Variants in CHN2 observed in about 807,000 individuals in gnomAD.
The protein encoded by CHN2 is chimerin 2.
CHN2 carries 35 observed loss-of-function variants against 56.3 expected under a neutral mutation model. The ratio of observed to expected loss-of-function variants is 0.62; its 90% CI spans 0.47 to 0.82. CHN2 has a LOEUF of 0.82. Among genes scored for constraint, CHN2 ranks in the 40% least tolerant of loss-of-function variants. The pLI, the probability that CHN2 is intolerant of heterozygous loss-of-function variation, is 0.00. For synonymous variants in CHN2, 210 were observed against 212.8 expected (o/e 0.99, Z 0.12); for missense variants, 491 against 580.5 (o/e 0.85, Z 1.58).
intron 6 of CHN2, among the ~76,000 whole-genome samples, chr7:29,414,073 T>C (rs79711975): frequency 2.7e-3 from 416 of 152,328 alleles, no homozygotes; most frequent in Non-Finnish European, 5.2e-3. Flanking sequence ...GGCAATACTA[T>C]AAAGCTCTGT....
intron 1 of CHN2, among the ~76,000 whole-genome samples, chr7:29,325,088 G>A (rs1011311045): frequency 2.6e-5 from 4 of 152,124 alleles, no homozygotes; most frequent in Admixed American, 6.5e-5. Context: ...TCCCTTTACA[G>A]TCTATCCATT....
Position 29,194,903 on chromosome 7 carries a change from C to T in CHN2, c.-39C>T. On this transcript the variant is annotated 5_prime_UTR_variant, in exon 1 of 13. Transcript: ENST00000222792. ...GAGGGCAGCGGCGGCGGCGTCCGCA[C>T]CGGGGCTGAGCGAGCAGCGACGCGA... The T allele has an allele frequency of 4.0e-6, 6 of 1,505,432 alleles. No individual in the cohort carries two copies. Among genetic ancestry groups the T allele is most frequent in the Non-Finnish European group, 5.3e-6 (6 of 1,131,164 alleles). The allele number at this position is 1,505,432 out of a possible 1,614,324, so 93.3% of individuals were successfully genotyped here. A position where few individuals can be genotyped will look rare whatever the true frequency, so the allele number is the denominator to read the frequency against.
intron 6 of CHN2, among the ~76,000 whole-genome samples, chr7:29,468,241 A>G (rs1785732422): frequency 6.8e-6 from 1 of 146,964 alleles, no homozygotes; most frequent in African/African-American, 2.5e-5. Flanking sequence ...TATTGTTCAC[A>G]TGATGTGACT....
intron 6 of CHN2, among the ~76,000 whole-genome samples, chr7:29,467,597 T>A (rs1785642925): frequency 6.6e-6 from 1 of 152,142 alleles, no homozygotes; most frequent in African/African-American, 2.4e-5. Flanking sequence ...ACCAAAGAGA[T>A]TAGAAAATGA....
At chr7:29,492,380 T>C (rs1788760926) in intron 7 of CHN2, among the ~76,000 whole-genome samples, 2 of 152,162 alleles carry the variant, frequency 1.3e-5, no homozygotes, top group Admixed American at 1.3e-4. Flanking sequence ...TTGAGTTTCA[T>C]TTAGCTTTTT....
At chr7:29,359,547 T>A (rs1470864795) in intron 2 of CHN2, among the ~76,000 whole-genome samples, 1 of 152,030 alleles carries the variant, frequency 6.6e-6, no homozygotes, top group Non-Finnish European at 1.5e-5. Flanking sequence ...CCTTTCCTTT[T>A]CTTAGAAAAG....
intron 1 of CHN2, among the ~76,000 whole-genome samples, chr7:29,347,623 C>T (rs1797558201): frequency 6.6e-6 from 1 of 152,178 alleles, no homozygotes; most frequent in Non-Finnish European, 1.5e-5. Flanking sequence ...GATCCAATCA[C>T]CTCCTACCGG....
chr7:29,432,492 A>G (rs1383452020), intron 6 of CHN2, among the ~76,000 whole-genome samples: 1 of 152,184 alleles, frequency 6.6e-6, no homozygotes, highest in Non-Finnish European at 1.5e-5. Context: ...CCAGAAAGCA[A>G]TGGAGCTTTT....
intron 6 of CHN2, among the ~76,000 whole-genome samples, chr7:29,456,927 T>TC (rs765177631): frequency 3.3e-5 from 5 of 151,884 alleles, no homozygotes; most frequent in Non-Finnish European, 5.9e-5. Flanking sequence ...CCCTTCATCT[T>TC]CCCCATCTGC....
intron 6 of CHN2, among the ~76,000 whole-genome samples, chr7:29,428,459 C>G (rs1370737366): frequency 6.6e-6 from 1 of 152,172 alleles, no homozygotes; most frequent in Admixed American, 6.5e-5. Context: ...ATCACTGGCT[C>G]TCAAAGTAGA....
At chr7:29,368,647 C>T (rs1210470508) in intron 3 of CHN2, among the ~76,000 whole-genome samples, 1 of 151,994 alleles carries the variant, frequency 6.6e-6, no homozygotes, top group African/African-American at 2.4e-5. Context: ...AATATAGAGC[C>T]ACGGATAGCT....
intron 1 of CHN2, among the ~76,000 whole-genome samples, chr7:29,310,570 T>C (rs935909020): frequency 6.6e-6 from 1 of 152,244 alleles, no homozygotes; most frequent in East Asian, 1.9e-4. Context: ...TATAAAATTC[T>C]AAAATGGTAT....
intron 7 of CHN2, 95 bp downstream of exon 7, chr7:29,480,451 G>C: frequency 3.1e-6 from 4 of 1,283,334 alleles, no homozygotes; most frequent in South Asian, 1.3e-5. Flanking sequence ...GTAAAGTCAA[G>C]AGACAATGAA....
chr7:29,476,691 T>C (rs1786626161), intron 6 of CHN2, among the ~76,000 whole-genome samples: 1 of 152,196 alleles, frequency 6.6e-6, no homozygotes. Flanking sequence ...CAGCGTTGCT[T>C]CCCAGGGAAT....
intron 1 of CHN2, among the ~76,000 whole-genome samples, chr7:29,350,383 G>A (rs1231090342): frequency 6.6e-6 from 1 of 152,170 alleles, no homozygotes; most frequent in Non-Finnish European, 1.5e-5. Context: ...TGTTGGTGGG[G>A]CAGAGTTGGA....
At chr7:29,456,193 C>T (rs1292004815) in intron 6 of CHN2, among the ~76,000 whole-genome samples, 3 of 152,176 alleles carry the variant, frequency 2.0e-5, no homozygotes, top group Non-Finnish European at 2.9e-5. Flanking sequence ...CTTGGAGTAC[C>T]TCCCATCTGC....
intron 12 of CHN2, 93 bp downstream of exon 12, chr7:29,509,499 G>A (rs1029974586): frequency 2.1e-6 from 2 of 968,460 alleles, no homozygotes; most frequent in African/African-American, 3.2e-5. Context: ...AGCCATAACT[G>A]CTGGAGTTTC....
Position 29,394,285 on chromosome 7 carries a change from C to T in CHN2, c.176+575C>T, listed in dbSNP as rs766506020. On this transcript the variant is annotated intron_variant, in intron 4 of 12. Transcript: ENST00000222792. ...TCCAAAACCTACTGCCCAGCAAATACGCATGACCATAAAAATAATTCGCAG... is the reference window on the plus strand; with the variant it reads ...TCCAAAACCTACTGCCCAGCAAATATGCATGACCATAAAAATAATTCGCAG... 4.6e-5 allele frequency among the ~76,000 whole-genome samples: 7 copies of T among 152,154 alleles called. No homozygotes were observed. In the East Asian group the frequency reaches 9.6e-4, roughly 21 times the overall value.
chr7:29,345,675 C>T (rs1366450303), intron 1 of CHN2, among the ~76,000 whole-genome samples: 4 of 152,102 alleles, frequency 2.6e-5, no homozygotes, highest in African/African-American at 9.7e-5. Flanking sequence ...TACCTGTTCA[C>T]CGTATTGTGC....
Sources: allele counts gnomAD v4.1 joint callset (sites outside exome capture counted in the v4.1 genomes callset), GRCh38; gene constraint gnomAD v4.1.1; transcripts MANE v1.5; gene names NCBI Gene and HGNC (gene_info 2026-07-23, HGNC 2026-07-21).